The following ZNF547 variants were observed in gnomAD, a reference collection of about 807,000 sequenced individuals.
ZNF547 encodes zinc finger protein 547.
ZNF547 carries 4 observed loss-of-function variants against 7.7 expected under a neutral mutation model. The ratio of observed to expected loss-of-function variants is 0.52; its 90% CI spans 0.26 to 1.20. The LOEUF (loss-of-function observed/expected upper bound fraction) is 1.20. ZNF547 is among the 50% of genes most tolerant of loss of function. The probability of loss-of-function intolerance (pLI) is 0.14; values close to 1 mark genes in which losing one functional copy is unlikely to be tolerated. For synonymous variants in ZNF547, 166 were observed against 166.2 expected, an observed-to-expected ratio of 1.00 and a Z score of 0.01; for missense variants, 449 against 485.8, an observed-to-expected ratio of 0.92 and a Z score of 0.71.
intron 3 of ZNF547, among the ~76,000 whole-genome samples, chr19:57,376,014 T>G (rs112881226): frequency 0.038 from 5,805 of 152,092 alleles, 231 homozygotes; most frequent in African/African-American, 0.1. Context: ...AATACAATAA[T>G]TAGCCAGGCG....
Position 57,378,404 on chromosome 19 carries a change from A to C in ZNF547, c.*219A>C. 1 of 705,750 alleles carries C rather than the reference A, an allele frequency of 1.4e-6. No homozygotes were observed. The highest frequency in any genetic ancestry group is 1.5e-5 in the South Asian group (1 of 67,672). The allele number at this position is 705,750 out of a possible 1,614,324, so 43.7% of individuals were successfully genotyped here. A position where few individuals can be genotyped will look rare whatever the true frequency, so the allele number is the denominator to read the frequency against. ...TTTGGTTTGACTCTCATCTCATTAGACATTGGAGAGTTTACACTGAAGAAG... is the reference window on the plus strand; with the variant it reads ...TTTGGTTTGACTCTCATCTCATTAGCCATTGGAGAGTTTACACTGAAGAAG... On this transcript the variant is annotated 3_prime_UTR_variant, in exon 4 of 4. Coordinates refer to ENST00000282282, the MANE Select transcript of ZNF547 (RefSeq NM_173631.4).
intron 1 of ZNF547, chr19:57,365,332 A>G: frequency 1.0e-6 from 1 of 1,000,292 alleles, no homozygotes; most frequent in Non-Finnish European, 1.5e-6. Flanking sequence ...AAATTACTTG[A>G]TTAAATAGCC....
chr19:57,377,220 T>A lies in ZNF547; in HGVS notation c.244T>A (p.Ser82Thr). 2 of 1,614,214 alleles carry A rather than the reference T, an allele frequency of 1.2e-6. No homozygotes were observed. Among genetic ancestry groups the A allele is most frequent in the East Asian group, 2.2e-5 (1 of 44,882 alleles). Residue 82 changes from serine (S) to threonine (T), a missense_variant, in exon 4 of 4, where the codon TCT (serine) becomes ACT (threonine). Transcript: ENST00000282282. Reference protein sequence around the residue: ...SQVMAPKPCLSTQNTQPCETC... With the variant: ...SQVMAPKPCLTTQNTQPCETC... The stretch of plus-strand genomic sequence containing the variant: ...GGTCATGGCTCCAAAGCCCTGTCTA[T>A]CTACCCAGAATACCCAGCCCTGTGA...
At chr19:57,364,385 C>T in intron 1 of ZNF547, 1 of 171,532 alleles carries the variant, frequency 5.8e-6, no homozygotes, top group Non-Finnish European at 1.3e-5. Context: ...TTGAAAATGT[C>T]ACATGGGTAG....
intron 3 of ZNF547, among the ~76,000 whole-genome samples, chr19:57,375,958 TTTGAGACCAG>T (rs2088533540): frequency 6.6e-6 from 1 of 151,122 alleles, no homozygotes; most frequent in Non-Finnish European, 1.5e-5. Flanking sequence ...AGGTCAGGAG[TTTGAGACCAG>T]CCTGGCAAAC....
chr19:57,364,706 A>T (rs1416684162), intron 1 of ZNF547: 1 of 786,302 alleles, frequency 1.3e-6, no homozygotes, highest in Non-Finnish European at 2.1e-6. Flanking sequence ...GCGCCATTGC[A>T]CTCCAGCCTG....
chr19:57,378,130 A>C lies in ZNF547; in HGVS notation c.1154A>C (p.Lys385Thr), dbSNP rs2088550962. The change falls in exon 4 of 4, where the codon AAA (lysine) becomes ACA (threonine). Residue 385 changes from lysine (K) to threonine (T), a missense_variant. Lys to Thr is a moderately conservative substitution (Grantham distance 78). Coordinates refer to ENST00000282282, the MANE Select transcript of ZNF547 (RefSeq NM_173631.4). Reference sequence around the variant, plus strand: ...GCAAAGCAGTGCAGTGAATGTGGGAAATTCTTTAGGTATAACTCTACACTT... The same window carrying C: ...GCAAAGCAGTGCAGTGAATGTGGGACATTCTTTAGGTATAACTCTACACTT... ...TAAKQCSECG[K>T]FFRYNSTLLR... 2 of 1,613,596 alleles carry C rather than the reference A, an allele frequency of 1.2e-6. No individual in the cohort carries two copies. Among genetic ancestry groups the C allele is most frequent in the Non-Finnish European group, 1.7e-6 (2 of 1,179,648 alleles).
chr19:57,364,456 AG>A, intron 1 of ZNF547: 5 of 296,800 alleles, frequency 1.7e-5, no homozygotes, highest in South Asian at 1.1e-4. Flanking sequence ...AAAAGAATAG[AG>A]GGTGGCCGGG....
Position 57,378,875 on chromosome 19 carries a change from G to A in ZNF547, c.*690G>A, listed in dbSNP as rs951722154. On this transcript the variant is annotated 3_prime_UTR_variant, in exon 4 of 4. Transcript: ENST00000282282. ...ATTCCCACATTCTTCAGTCCCTGGCGACCACCATATTTTTAAGTCATTATG... is the reference window on the plus strand; with the variant it reads ...ATTCCCACATTCTTCAGTCCCTGGCAACCACCATATTTTTAAGTCATTATG... 6 of 296,312 alleles carry A rather than the reference G, an allele frequency of 2.0e-5. No individual in the cohort carries two copies. The highest frequency in any genetic ancestry group is 9.2e-5 in the African/African-American group (4 of 43,432). 18.4% of individuals were successfully genotyped at this position (296,312 alleles called of 1,614,324 possible).
intron 2 of ZNF547, among the ~76,000 whole-genome samples, chr19:57,369,737 G>A (rs2088492185): frequency 6.6e-6 from 1 of 151,894 alleles, no homozygotes; most frequent in Admixed American, 6.6e-5. Flanking sequence ...TGGACATGAT[G>A]GGGTTGCTGA....
chr19:57,377,511 A>G lies in ZNF547; in HGVS notation c.535A>G (p.Thr179Ala). 5.6e-6 allele frequency: 9 copies of G among 1,614,130 alleles called. No homozygotes were observed. The highest frequency in any genetic ancestry group is 7.6e-6 in the Non-Finnish European group (9 of 1,180,032). Residue 179 changes from threonine (T) to alanine (A), a missense_variant, in exon 4 of 4, where the codon ACT (threonine) becomes GCT (alanine). By Grantham distance (58) the Thr-to-Ala change is moderately conservative. Coordinates refer to ENST00000282282, the MANE Select transcript of ZNF547 (RefSeq NM_173631.4). ...ACTTTCTGACCATCAGAAAATCCAC[A>G]CTGGAGAAAGAACTTATAAGTGCAG... ...HKLSDHQKIH[T>A]GERTYKCSKC...
intron 1 of ZNF547, chr19:57,365,170 C>T (rs1600074131): frequency 6.3e-7 from 1 of 1,593,970 alleles, no homozygotes; most frequent in Non-Finnish European, 8.6e-7. Context: ...TTCAATGAAT[C>T]CATTTTATGA....
At chr19:57,372,002 G>T in intron 3 of ZNF547, 94 bp downstream of exon 3, 1 of 1,470,862 alleles carries the variant, frequency 6.8e-7, no homozygotes, top group East Asian at 2.4e-5. Context: ...TGAGACCATG[G>T]GTGCTGCTTC....
rs149636782 is a variant in ZNF547, at chr19:57,374,376, G to T, written c.151+2468G>T. On this transcript the variant is annotated intron_variant, in intron 3 of 3. Transcript: ENST00000282282. Reference sequence around the variant, plus strand: ...ATGCAGGGCTCCATGTCCTGAGGCTGCACTGAACAGCCTGGGCCAGGCCCA... The same window carrying T: ...ATGCAGGGCTCCATGTCCTGAGGCTTCACTGAACAGCCTGGGCCAGGCCCA... Among the ~76,000 whole-genome samples, 15 of 152,384 alleles carry T rather than the reference G, an allele frequency of 9.8e-5. No individual in the cohort carries two copies. The East Asian group carries it at 2.5e-3, about 25-fold the overall frequency.
In ZNF547 at chr19:57,378,603, C is replaced by T. The variant is rs951940274; in HGVS notation, c.*418C>T. ...TGTAGTTCACACTGGAAAAAGGCCACGTATGTGCCTTGAATGTAGCCAAAA... is the reference window on the plus strand; with the variant it reads ...TGTAGTTCACACTGGAAAAAGGCCATGTATGTGCCTTGAATGTAGCCAAAA... On this transcript the variant is annotated 3_prime_UTR_variant, in exon 4 of 4. Coordinates refer to ENST00000282282, the MANE Select transcript of ZNF547 (RefSeq NM_173631.4). The T allele has an allele frequency of 1.1e-5, 4 of 365,522 alleles. No homozygotes were observed. Among genetic ancestry groups the T allele is most frequent in the African/African-American group, 8.5e-5 (4 of 47,050 alleles). The allele number at this position is 365,522 out of a possible 1,614,324, so 22.6% of individuals were successfully genotyped here.
rs2088436851 is a variant in ZNF547, at chr19:57,363,595, A to C, written c.-121A>C. ...ACACAGGCACAACTGACAGTGGCAG[A>C]AGCTCAGCTGACAAGGACTGGGGAC... On this transcript the variant is annotated 5_prime_UTR_variant, in exon 1 of 4. Coordinates refer to ENST00000282282, the MANE Select transcript of ZNF547 (RefSeq NM_173631.4). 1 of 153,002 alleles carries C rather than the reference A, an allele frequency of 6.5e-6. No individual in the cohort carries two copies. The highest frequency in any genetic ancestry group is 1.8e-4 in the South Asian group (1 of 5,560). The allele number at this position is 153,002 out of a possible 1,614,324, so 9.5% of individuals were successfully genotyped here.
intron 1 of ZNF547, chr19:57,364,460 TGGCC>T: frequency 3.3e-6 from 1 of 300,534 alleles, no homozygotes; most frequent in Non-Finnish European, 6.4e-6. Context: ...GAATAGAGGG[TGGCC>T]GGGCGTGGTG....
intron 2 of ZNF547, 92 bp from the exon 3 acceptor site, chr19:57,371,690 T>C (rs1331752696): frequency 2.6e-6 from 4 of 1,513,208 alleles, no homozygotes; most frequent in Non-Finnish European, 3.5e-6. Flanking sequence ...CTGTGTTTAA[T>C]GGGTGGTAAA....
intron 1 of ZNF547, chr19:57,368,320 T>C: frequency 1.9e-6 from 1 of 535,762 alleles, no homozygotes; most frequent in Non-Finnish European, 3.3e-6. Context: ...GGAGCCATTC[T>C]TACAACCTAT....
Sources: gnomAD v4.1 joint callset for allele counts (sites outside exome capture counted in the v4.1 genomes callset) on GRCh38, gnomAD v4.1.1 for gene constraint, MANE v1.5 for transcripts, NCBI Gene and HGNC (gene_info 2026-07-23, HGNC 2026-07-21) for gene names.